The following ARHGAP42 variants were observed in gnomAD, a reference collection of about 807,000 sequenced individuals.
ARHGAP42 encodes the protein Rho GTPase activating protein 42, also known as rho GTPase-activating protein 42.
In ARHGAP42, 63 loss-of-function variants were observed where a neutral mutation model predicts 125.0. That is an observed-to-expected ratio of 0.50 (90% CI 0.41 to 0.62). ARHGAP42 has a LOEUF of 0.62. Ranked by LOEUF, ARHGAP42 falls within the 20% of genes least tolerant of loss-of-function variation. The pLI is 0.00. For synonymous variants in ARHGAP42, 339 were observed against 351.0 expected (o/e 0.97, Z 0.38); for missense variants, 766 against 1,024.2 (o/e 0.75, Z 3.44).
chr11:100,848,231 C>T (rs926423305), intron 3 of ARHGAP42, among the ~76,000 whole-genome samples: 3 of 152,026 alleles, frequency 2.0e-5, no homozygotes, highest in Non-Finnish European at 2.9e-5. Flanking sequence ...CTGAATTATC[C>T]GAGAACGTGC....
At chr11:100,837,907 A>G (rs530321992) in intron 3 of ARHGAP42, among the ~76,000 whole-genome samples, 51 of 15,014 alleles carry the variant, frequency 3.4e-3, no homozygotes, top group African/African-American at 9.8e-3. Flanking sequence ...ATTTGTTTTC[A>G]TTGGTGCAGT....
At chr11:100,689,279 T>A (rs1188676413) in intron 1 of ARHGAP42, among the ~76,000 whole-genome samples, 1 of 152,210 alleles carries the variant, frequency 6.6e-6, no homozygotes. Context: ...GAACTGTCCT[T>A]CCTCTGGCTT....
chr11:100,956,056 G>A (rs1021175304), intron 12 of ARHGAP42, among the ~76,000 whole-genome samples: 1 of 152,022 alleles, frequency 6.6e-6, no homozygotes, highest in East Asian at 1.9e-4. Flanking sequence ...AGAAATTGCT[G>A]GGTGCTCAAG....
intron 12 of ARHGAP42, among the ~76,000 whole-genome samples, chr11:100,956,011 A>G (rs1174285072): frequency 2.0e-5 from 3 of 152,098 alleles, no homozygotes; most frequent in Non-Finnish European, 2.9e-5. Flanking sequence ...AAGACAAACT[A>G]TTTTAGCCAT....
intron 4 of ARHGAP42, among the ~76,000 whole-genome samples, chr11:100,906,581 TA>T (rs34633557): frequency 0.8 from 120,709 of 151,696 alleles, 48,482 homozygotes; most frequent in East Asian, 1. Flanking sequence ...GTGGAAACTT[TA>T]AAAAAAAATT....
At chr11:100,819,789 A>G (rs1468707638) in intron 3 of ARHGAP42, among the ~76,000 whole-genome samples, 1 of 152,310 alleles carries the variant, frequency 6.6e-6, no homozygotes, top group East Asian at 1.9e-4. Flanking sequence ...CCAAATCTGT[A>G]TCCAAATATA....
At chr11:100,710,802 G>T (rs998199322) in intron 1 of ARHGAP42, among the ~76,000 whole-genome samples, 1 of 152,150 alleles carries the variant, frequency 6.6e-6, no homozygotes, top group Non-Finnish European at 1.5e-5. Context: ...GTCTCCCAAA[G>T]TGCAGGGATT....
intron 1 of ARHGAP42, among the ~76,000 whole-genome samples, chr11:100,690,446 C>T (rs1861167402): frequency 6.6e-6 from 1 of 152,072 alleles, no homozygotes; most frequent in African/African-American, 2.4e-5. Context: ...GCTCCTTGCT[C>T]TGTGGTTCAA....
At chr11:100,976,498 T>C in intron 20 of ARHGAP42, 61 bp downstream of exon 20, 1 of 1,462,290 alleles carries the variant, frequency 6.8e-7, no homozygotes, top group Non-Finnish European at 9.0e-7. Context: ...TGCTGGATTA[T>C]TCAGCATGGT....
chr11:100,726,252 A>T (rs1477060669), intron 1 of ARHGAP42, among the ~76,000 whole-genome samples: 5 of 152,244 alleles, frequency 3.3e-5, no homozygotes, highest in Admixed American at 2.6e-4. Flanking sequence ...GTAATCCCCA[A>T]GTCTAAAGCA....
intron 3 of ARHGAP42, among the ~76,000 whole-genome samples, chr11:100,796,212 G>T (rs574893182): frequency 6.6e-6 from 1 of 152,016 alleles, no homozygotes; most frequent in African/African-American, 2.4e-5. Context: ...TATATCTGTT[G>T]TGGTGACCTG....
At chr11:100,808,301 T>G (rs1864047532) in intron 3 of ARHGAP42, among the ~76,000 whole-genome samples, 1 of 152,144 alleles carries the variant, frequency 6.6e-6, no homozygotes, top group Non-Finnish European at 1.5e-5. Flanking sequence ...AAAATGCAAA[T>G]TTAACTTGAT....
chr11:100,703,663 T>C (rs1390502787), intron 1 of ARHGAP42, among the ~76,000 whole-genome samples: 1 of 152,216 alleles, frequency 6.6e-6, no homozygotes, highest in African/African-American at 2.4e-5. Flanking sequence ...AACCAAGAAT[T>C]AGGTTGCCAT....
intron 1 of ARHGAP42, among the ~76,000 whole-genome samples, chr11:100,751,279 G>T (rs7949123): frequency 0.029 from 2,679 of 93,244 alleles, 67 homozygotes; most frequent in African/African-American, 0.049. Context: ...GTGTGTGTGT[G>T]TTTTTTTTTT....
At chr11:100,712,049 A>C (rs1861573555) in intron 1 of ARHGAP42, among the ~76,000 whole-genome samples, 1 of 152,208 alleles carries the variant, frequency 6.6e-6, no homozygotes, top group African/African-American at 2.4e-5. Context: ...TCGTGATCTC[A>C]ATTATGATAC....
intron 1 of ARHGAP42, among the ~76,000 whole-genome samples, chr11:100,750,199 T>C (rs530165423): frequency 4.3e-4 from 66 of 152,264 alleles, no homozygotes; most frequent in Non-Finnish European, 8.1e-4. Context: ...TTTTTAATTC[T>C]CTGCAAGGCA....
At position 100,778,680 on chromosome 11, in the gene ARHGAP42, C is replaced by T. The variant is rs113339872; in HGVS notation, c.250+8242C>T. 6.0e-3 allele frequency among the ~76,000 whole-genome samples: 916 copies of T among 152,044 alleles called. 2 individuals are homozygous for T. The highest frequency in any genetic ancestry group is 9.9e-3 in the Non-Finnish European group (674 of 67,988). On this transcript the variant is annotated intron_variant, in intron 2 of 23. Transcript: ENST00000298815. ...TGGTGTTCCTCTCTTAAAAAAAACA[C>T]GCTGCTTGAGAGAGATGCTTTTATC...
chr11:100,806,675 T>C (rs1401174544), intron 3 of ARHGAP42, among the ~76,000 whole-genome samples: 1 of 152,128 alleles, frequency 6.6e-6, no homozygotes, highest in Non-Finnish European at 1.5e-5. Flanking sequence ...TTGTGGATGC[T>C]TTCCATCTCC....
At chr11:100,762,336 A>G (rs1862724224) in intron 1 of ARHGAP42, among the ~76,000 whole-genome samples, 1 of 151,952 alleles carries the variant, frequency 6.6e-6, no homozygotes, top group Admixed American at 6.6e-5. Flanking sequence ...TTTTTTTTGC[A>G]TTTTCAGGGG....
Sources: gnomAD v4.1 joint callset for allele counts (sites outside exome capture counted in the v4.1 genomes callset) on GRCh38, gnomAD v4.1.1 for gene constraint, MANE v1.5 for transcripts, NCBI Gene and HGNC (gene_info 2026-07-23, HGNC 2026-07-21) for gene names.